PNPLA1: variants seen among roughly 807,000 people sequenced by gnomAD.
PNPLA1 encodes the protein patatin like domain 1, omega-hydroxyceramide transacylase.
PNPLA1 carries 36 observed loss-of-function variants against 51.7 expected under a neutral mutation model. The ratio of observed to expected loss-of-function variants is 0.70; its 90% CI spans 0.53 to 0.92. PNPLA1 has a LOEUF of 0.92. PNPLA1 is among the 40% of genes least tolerant of loss of function. The probability of loss-of-function intolerance (pLI) is 0.00; values close to 1 mark genes in which losing one functional copy is unlikely to be tolerated. For synonymous variants in PNPLA1, 293 were observed against 280.1 expected (o/e 1.05, Z -0.46); for missense variants, 658 against 682.5 (o/e 0.96, Z 0.40).
Position 36,302,182 on chromosome 6 carries a change from T to C in PNPLA1, c.1097T>C (p.Leu366Pro). ...QPLASSTPLS[L>P]SGMPPVSFPA... ...CTGGCCTCTTCAACTCCACTTTCTC[T>C]AAGTGGCATGCCACCTGTATCATTC... The change falls in exon 6 of 9, where the codon CTA becomes CCA. Residue 366 changes from leucine (L) to proline (P), a missense_variant. Leu to Pro is a moderately conservative substitution (Grantham distance 98, BLOSUM62 -3). Transcript: ENST00000636260. 6.2e-7 allele frequency: 1 copy of C among 1,614,208 alleles called. No homozygotes were observed. Among genetic ancestry groups the C allele is most frequent in the Non-Finnish European group, 8.5e-7 (1 of 1,180,034 alleles).
At chr6:36,297,844 G>A (rs1247018640) in intron 5 of PNPLA1, among the ~76,000 whole-genome samples, 2 of 144,004 alleles carry the variant, frequency 1.4e-5, no homozygotes, top group African/African-American at 5.4e-5. Context: ...TCACAGTTTG[G>A]TAAGTGACTC....
At chr6:36,262,976 G>A (rs1378799547) in intron 1 of PNPLA1, among the ~76,000 whole-genome samples, 3 of 152,160 alleles carry the variant, frequency 2.0e-5, no homozygotes, top group Non-Finnish European at 1.5e-5. Context: ...ATAAATTCCT[G>A]CAAGTATTGA....
intron 1 of PNPLA1, among the ~76,000 whole-genome samples, chr6:36,278,348 T>G (rs1343799173): frequency 6.6e-6 from 1 of 152,236 alleles, no homozygotes; most frequent in Non-Finnish European, 1.5e-5. Flanking sequence ...TTGCTATCTG[T>G]ATTTTATAGT....
intron 1 of PNPLA1, among the ~76,000 whole-genome samples, chr6:36,290,912 A>T (rs1354349354): frequency 6.6e-6 from 1 of 152,158 alleles, no homozygotes; most frequent in Non-Finnish European, 1.5e-5. Flanking sequence ...CAGTGTTTTA[A>T]TAGGAATCTC....
At chr6:36,302,601 T>A in intron 6 of PNPLA1, 132 bp downstream of exon 6, 1 of 1,244,816 alleles carries the variant, frequency 8.0e-7, no homozygotes, top group Non-Finnish European at 1.1e-6. Context: ...TTAGCATCTC[T>A]GTCCATTATG....
In PNPLA1 at chr6:36,295,366, C is replaced by A. The variant is rs1317565553; in HGVS notation, c.717C>A (p.Ile239=). The change falls in exon 5 of 9, where the codon ATC becomes ATA. Residue 239 remains isoleucine, a splice_region_variant and synonymous_variant. Transcript: ENST00000636260. ...TCTCCTGGTGCCTCCGCCCACAGAT[C>A]CTGCACGATTACTACTACCGAGGGT... ...THALFPPDLV[I]LHDYYYRGYE... is the part of the protein sequence containing the mutation. 3 of 1,614,178 alleles carry A rather than the reference C, an allele frequency of 1.9e-6. No homozygotes were observed. The highest frequency in any genetic ancestry group is 2.2e-5 in the East Asian group (1 of 44,888).
At chr6:36,253,477 T>A (rs576260981) in intron 1 of PNPLA1, among the ~76,000 whole-genome samples, 1 of 152,278 alleles carries the variant, frequency 6.6e-6, no homozygotes, top group African/African-American at 2.4e-5. Flanking sequence ...ACTGTTATAA[T>A]TCTTGATAAT....
At chr6:36,311,560 T>C (rs570028678) in intron 8 of PNPLA1, among the ~76,000 whole-genome samples, 114 of 152,232 alleles carry the variant, frequency 7.5e-4, no homozygotes, top group Non-Finnish European at 1.2e-3. Context: ...TACGGAGATT[T>C]TAAAATTATC....
intron 3 of PNPLA1, among the ~76,000 whole-genome samples, chr6:36,293,654 C>T (rs886749173): frequency 6.6e-6 from 1 of 152,174 alleles, no homozygotes; most frequent in Non-Finnish European, 1.5e-5. Flanking sequence ...TGGTCTAGCT[C>T]ATGCCCCCTC....
At chr6:36,287,984 C>T (rs1353917278) in intron 1 of PNPLA1, among the ~76,000 whole-genome samples, 1 of 152,138 alleles carries the variant, frequency 6.6e-6, no homozygotes, top group Non-Finnish European at 1.5e-5. Context: ...TTTGGAATGT[C>T]GACACTGTTT....
chr6:36,305,772 T>C lies in PNPLA1; in HGVS notation c.1385-520T>C, dbSNP rs1198672244. On this transcript the variant is annotated intron_variant, in intron 6 of 8. Coordinates refer to ENST00000636260, the MANE Select transcript of PNPLA1 (RefSeq NM_001374623.1). ...CTTATTTTTCTTTACTTTTCTCTTT[T>C]TTTTTTTTTTTTTTTTTTGGTGGTG... 8.6e-5 allele frequency among the ~76,000 whole-genome samples: 10 copies of C among 116,560 alleles called. No homozygotes were observed. In the South Asian group the frequency reaches 2.7e-3, roughly 32 times the overall value. 76.5% of individuals were successfully genotyped at this position (116,560 alleles called of 152,430 possible).
chr6:36,292,909 A>C, intron 2 of PNPLA1, 152 bp from the exon 3 acceptor site: 1 of 590,432 alleles, frequency 1.7e-6, no homozygotes, highest in Non-Finnish European at 2.9e-6. Flanking sequence ...CAGGCCAGGA[A>C]CTGAACTCGG....
chr6:36,276,115 C>T (rs536847093), intron 1 of PNPLA1, among the ~76,000 whole-genome samples: 6 of 151,882 alleles, frequency 4.0e-5, no homozygotes, highest in East Asian at 1.9e-4. Context: ...CCCACCACCA[C>T]GCCCAGCTAA....
Position 36,248,893 on chromosome 6 carries a change from AG to A in PNPLA1, c.-81+5639del, listed in dbSNP as rs917886831. 9.2e-5 allele frequency among the ~76,000 whole-genome samples: 14 copies of A among 152,192 alleles called. No individual in the cohort carries two copies. In the South Asian group the frequency reaches 1.5e-3, roughly 16 times the overall value. On this transcript the variant is annotated intron_variant, in intron 1 of 7. Transcript: ENST00000312917. The stretch of plus-strand genomic sequence containing the variant: ...TGAGAAGAACTTCATCTTCTGAAAA[AG>A]GGGGGGTGTGGGCAAGGTCGGCACT...
At chr6:36,257,658 T>C (rs1399751110) in intron 1 of PNPLA1, among the ~76,000 whole-genome samples, 2 of 152,284 alleles carry the variant, frequency 1.3e-5, no homozygotes, top group African/African-American at 2.4e-5. Flanking sequence ...TCATTCATTA[T>C]GAGCATATTC....
intron 1 of PNPLA1, among the ~76,000 whole-genome samples, chr6:36,254,891 C>A (rs1457852967): frequency 6.6e-6 from 1 of 152,010 alleles, no homozygotes; most frequent in Non-Finnish European, 1.5e-5. Context: ...GTAGAGACTG[C>A]AAAAGGATGT....
chr6:36,256,620 G>A (rs1257324757), intron 1 of PNPLA1, among the ~76,000 whole-genome samples: 1 of 151,918 alleles, frequency 6.6e-6, no homozygotes, highest in East Asian at 1.9e-4. Flanking sequence ...GCTAATTTTT[G>A]TATTTTTAGT....
rs1480550264 is a variant in PNPLA1 at position 36,312,529 on chromosome 6, G to C, written c.*643G>C. ...GTGATCCCCGGTGGAACTAAGGTTA[G>C]GGAAGTCCTAGATGGGGGATTTCCT... On this transcript the variant is annotated 3_prime_UTR_variant, in exon 9 of 9. Transcript: ENST00000636260. Among the ~76,000 whole-genome samples the C allele has an allele frequency of 6.6e-6, 1 of 152,148 alleles. No homozygotes were observed. Among genetic ancestry groups the C allele is most frequent in the African/African-American group, 2.4e-5 (1 of 41,434 alleles).
intron 1 of PNPLA1, among the ~76,000 whole-genome samples, chr6:36,263,283 G>T (rs1459243181): frequency 6.6e-6 from 1 of 152,092 alleles, no homozygotes; most frequent in African/African-American, 2.4e-5. Context: ...AATGCATTCA[G>T]CGGAGCCAAT....
Sources: gnomAD v4.1 joint callset for allele counts (sites outside exome capture counted in the v4.1 genomes callset) on GRCh38, gnomAD v4.1.1 for gene constraint, MANE v1.5 for transcripts, NCBI Gene and HGNC (gene_info 2026-07-23, HGNC 2026-07-21) for gene names.